The following PCBP1 variants were observed in gnomAD, a reference collection of about 807,000 sequenced individuals.
PCBP1 encodes the protein poly(rC)-binding protein 1.
For synonymous variants in PCBP1, 284 were observed against 195.8 expected (o/e 1.45, Z -3.76); for missense variants, 244 against 474.4 (o/e 0.51, Z 4.51).
chr2:70,088,772 C>A lies in PCBP1; in HGVS notation c.1029C>A (p.Ile343=), dbSNP rs754035967. 1.2e-6 allele frequency: 2 copies of A among 1,613,746 alleles called. No homozygotes were observed. Among genetic ancestry groups the A allele is most frequent in the Admixed American group, 1.7e-5 (1 of 59,992 alleles). ...AASISLAQYL[I]NARLSSEKGM... is the part of the protein sequence containing the mutation. ...GTATTAGTCTGGCCCAGTATCTAAT[C>A]AATGCCAGGCTTTCCTCTGAGAAGG... The change falls in exon 1 of 1, where the codon ATC becomes ATA. Residue 343 remains isoleucine, a synonymous_variant. Transcript: ENST00000303577. This position sits in a 1 kb window ranked among gnomAD's most constrained non-coding sequence, Gnocchi z 4.5.
At position 70,087,495 on chromosome 2, in the gene PCBP1, C is replaced by T. The variant is rs1671340511; in HGVS notation, c.-249C>T. 1 of 149,750 alleles carries T rather than the reference C, an allele frequency of 6.7e-6. No individual in the cohort carries two copies. The highest frequency in any genetic ancestry group is 6.7e-5 in the Admixed American group (1 of 14,972). The allele number at this position is 149,750 out of a possible 1,614,324, so 9.3% of individuals were successfully genotyped here. A position where few individuals can be genotyped will look rare whatever the true frequency, so the allele number is the denominator to read the frequency against. On this transcript the variant is annotated 5_prime_UTR_variant, in exon 1 of 1. Transcript: ENST00000303577. Reference sequence around the variant, plus strand: ...CCCGCCCAGACCGCCGAGGCTGCCGCCGGAGTCGCCACCGCCGCGCCCTCG... The same window carrying T: ...CCCGCCCAGACCGCCGAGGCTGCCGTCGGAGTCGCCACCGCCGCGCCCTCG...
chr2:70,087,518 T>TCGCC lies in PCBP1; in HGVS notation c.-224_-221dup, dbSNP rs1396145947. The TCGCC allele has an allele frequency of 3.7e-5, 3 of 80,566 alleles. No homozygotes were observed. The highest frequency in any genetic ancestry group is 5.0e-5 in the Non-Finnish European group (2 of 39,686). The allele number at this position is 80,566 out of a possible 1,614,324, so 5.0% of individuals were successfully genotyped here. A position where few individuals can be genotyped will look rare whatever the true frequency, so the allele number is the denominator to read the frequency against. ...CGCCGGAGTCGCCACCGCCGCGCCC[T>TCGCC]CGCCCACCCGCCCGCCCGCCGCTCC... On this transcript the variant is annotated 5_prime_UTR_variant, in exon 1 of 1. Coordinates refer to ENST00000303577, the MANE Select transcript of PCBP1 (RefSeq NM_006196.4).
At position 70,088,560 on chromosome 2, in the gene PCBP1, A is replaced by C; in HGVS notation, c.817A>C (p.Ser273Arg). 1 of 1,614,250 alleles carries C rather than the reference A, an allele frequency of 6.2e-7. No homozygotes were observed. Among genetic ancestry groups the C allele is most frequent in the Non-Finnish European group, 8.5e-7 (1 of 1,180,040 alleles). The change falls in exon 1 of 1, where the codon AGT becomes CGT. Residue 273 changes from serine (S) to arginine (R), a missense_variant. By Grantham distance (110) the Ser-to-Arg change is moderately radical. Transcript: ENST00000303577. This position sits in a 1 kb window ranked among gnomAD's most constrained non-coding sequence, Gnocchi z 4.5. The part of the protein sequence containing the change: ...SSPEVKGYWA[S>R]LDASTQTTHE... ...TCCAGAGGTGAAAGGCTATTGGGCA[A>C]GTTTGGATGCATCTACTCAAACCAC...
At position 70,088,375 on chromosome 2, in the gene PCBP1, C is replaced by T. The variant is rs1327061930; in HGVS notation, c.632C>T (p.Thr211Ile). The change falls in exon 1 of 1, where the codon ACC (threonine) becomes ATC (isoleucine). Residue 211 changes from threonine (T) to isoleucine (I), a missense_variant. Thr to Ile is a moderately conservative substitution (Grantham distance 89). Coordinates refer to ENST00000303577, the MANE Select transcript of PCBP1 (RefSeq NM_006196.4). The surrounding 1 kb of genome is among the most constrained non-coding windows in gnomAD (Gnocchi z 4.5). ...CSDAAGYPHATHDLEGPPLDA... is the reference protein window; with the variant it reads ...CSDAAGYPHAIHDLEGPPLDA... ...GACGCTGCGGGCTACCCCCATGCCA[C>T]CCATGACCTGGAGGGACCACCTCTA... The T allele has an allele frequency of 6.2e-7, 1 of 1,614,054 alleles. No homozygotes were observed. The highest frequency in any genetic ancestry group is 1.1e-5 in the South Asian group (1 of 91,092).
Position 70,088,251 on chromosome 2 carries a change from C to T in PCBP1, c.508C>T (p.Leu170Phe). The change falls in exon 1 of 1, where the codon CTC (leucine) becomes TTC (phenylalanine). Residue 170 changes from leucine to phenylalanine, a missense_variant. Coordinates refer to ENST00000303577, the MANE Select transcript of PCBP1 (RefSeq NM_006196.4). This position sits in a 1 kb window ranked among gnomAD's most constrained non-coding sequence, Gnocchi z 4.5. ...KQICLVMLET[L>F]SQSPQGRVMT... ...GATTTGCCTGGTCATGCTGGAGACG[C>T]TCTCCCAGTCTCCGCAAGGGAGAGT... The T allele has an allele frequency of 6.2e-7, 1 of 1,613,864 alleles. No homozygotes were observed. The highest frequency in any genetic ancestry group is 8.5e-7 in the Non-Finnish European group (1 of 1,180,016).
At position 70,089,006 on chromosome 2, in the gene PCBP1, A is replaced by G; in HGVS notation, c.*192A>G. ...AATGCTGGGATCCATATTTAGTTTT[A>G]TAAGCTTTTCCCTGTTTTTAGTTTT... On this transcript the variant is annotated 3_prime_UTR_variant, in exon 1 of 1. Transcript: ENST00000303577. 1 of 506,068 alleles carries G rather than the reference A, an allele frequency of 2.0e-6. No homozygotes were observed. Among genetic ancestry groups the G allele is most frequent in the African/African-American group, 1.9e-5 (1 of 51,986 alleles). 31.3% of individuals were successfully genotyped at this position (506,068 alleles called of 1,614,324 possible).
rs1671344289 is a variant in PCBP1 at position 70,087,535 on chromosome 2, C to CGCCG, written c.-208_-205dup. Reference sequence around the variant, plus strand: ...CCGCGCCCTCGCCCACCCGCCCGCCCGCCGCTCCCGGCCCCGCTCGCCCCC... The same window carrying CGCCG: ...CCGCGCCCTCGCCCACCCGCCCGCCCGCCGGCCGCTCCCGGCCCCGCTCGCCCCC... On this transcript the variant is annotated 5_prime_UTR_variant, in exon 1 of 1. Coordinates refer to ENST00000303577, the MANE Select transcript of PCBP1 (RefSeq NM_006196.4). 6.8e-6 allele frequency: 1 copy of CGCCG among 147,186 alleles called. No homozygotes were observed. Among genetic ancestry groups the CGCCG allele is most frequent in the Non-Finnish European group, 1.5e-5 (1 of 65,980 alleles). 9.1% of individuals were successfully genotyped at this position (147,186 alleles called of 1,614,324 possible). A position where few individuals can be genotyped will look rare whatever the true frequency, so the allele number is the denominator to read the frequency against.
rs1350769387 is a variant in PCBP1 at position 70,088,314 on chromosome 2, C to T, written c.571C>T (p.Pro191Ser). Residue 191 changes from proline (P) to serine (S), a missense_variant, in exon 1 of 1, where the codon CCA becomes TCA. Pro to Ser is a moderately conservative substitution (Grantham distance 74). Coordinates refer to ENST00000303577, the MANE Select transcript of PCBP1 (RefSeq NM_006196.4). The surrounding 1 kb of genome is among the most constrained non-coding windows in gnomAD (Gnocchi z 4.5). Reference protein sequence around the residue: ...IPYQPMPASSPVICAGGQDRC... With the variant: ...IPYQPMPASSSVICAGGQDRC... Reference sequence around the variant, plus strand: ...GTACCAGCCCATGCCGGCCAGCTCCCCAGTCATCTGCGCGGGCGGCCAAGA... The same window carrying T: ...GTACCAGCCCATGCCGGCCAGCTCCTCAGTCATCTGCGCGGGCGGCCAAGA... The T allele has an allele frequency of 6.2e-7, 1 of 1,613,882 alleles. No homozygotes were observed. Among genetic ancestry groups the T allele is most frequent in the Non-Finnish European group, 8.5e-7 (1 of 1,180,038 alleles).
rs957699402 is a variant in PCBP1 at position 70,088,948 on chromosome 2, G to A, written c.*134G>A. On this transcript the variant is annotated 3_prime_UTR_variant, in exon 1 of 1. Coordinates refer to ENST00000303577, the MANE Select transcript of PCBP1 (RefSeq NM_006196.4). This position sits in a 1 kb window ranked among gnomAD's most constrained non-coding sequence, Gnocchi z 4.5. ...TCTACACAACTTTATCATCCGCTAA[G>A]AATTTAAAAATCACATTCTCTGTTC... 4.7e-6 allele frequency: 3 copies of A among 643,428 alleles called. No homozygotes were observed. The highest frequency in any genetic ancestry group is 5.3e-6 in the Non-Finnish European group (2 of 374,742). The allele number at this position is 643,428 out of a possible 1,614,324, so 39.9% of individuals were successfully genotyped here. A position where few individuals can be genotyped will look rare whatever the true frequency, so the allele number is the denominator to read the frequency against.
rs1671340010 is a variant in PCBP1, at chr2:70,087,487, G to GGCTGCCGCCGGAGTCGCC, written c.-256_-239dup. ...CTTCCCGCCCCGCCCAGACCGCCGA[G>GGCTGCCGCCGGAGTCGCC]GCTGCCGCCGGAGTCGCCACCGCCG... On this transcript the variant is annotated 5_prime_UTR_variant, in exon 1 of 1. Coordinates refer to ENST00000303577, the MANE Select transcript of PCBP1 (RefSeq NM_006196.4). The GGCTGCCGCCGGAGTCGCC allele has an allele frequency of 6.7e-6, 1 of 150,054 alleles. No individual in the cohort carries two copies. Among genetic ancestry groups the GGCTGCCGCCGGAGTCGCC allele is most frequent in the Non-Finnish European group, 1.5e-5 (1 of 66,974 alleles). The allele number at this position is 150,054 out of a possible 1,614,324, so 9.3% of individuals were successfully genotyped here. A position where few individuals can be genotyped will look rare whatever the true frequency, so the allele number is the denominator to read the frequency against.
Position 70,088,878 on chromosome 2 carries a change from C to A in PCBP1, c.*64C>A. ...CTCCCATGATCCAACTGTGTAATTTCTGGTCAGTGATTCCAGGTTTTAAAT... is the reference window on the plus strand; with the variant it reads ...CTCCCATGATCCAACTGTGTAATTTATGGTCAGTGATTCCAGGTTTTAAAT... On this transcript the variant is annotated 3_prime_UTR_variant, in exon 1 of 1. Coordinates refer to ENST00000303577, the MANE Select transcript of PCBP1 (RefSeq NM_006196.4). The surrounding 1 kb of genome is among the most constrained non-coding windows in gnomAD (Gnocchi z 4.5). The A allele has an allele frequency of 8.5e-7, 1 of 1,177,402 alleles. No homozygotes were observed. Among genetic ancestry groups the A allele is most frequent in the Non-Finnish European group, 1.2e-6 (1 of 831,694 alleles). 72.9% of individuals were successfully genotyped at this position (1,177,402 alleles called of 1,614,324 possible).
rs1372068895 is a variant in PCBP1, at chr2:70,088,127, G to C, written c.384G>C (p.Gly128=). Residue 128 remains glycine (G), a synonymous_variant, in exon 1 of 1, where the codon GGG becomes GGC. Coordinates refer to ENST00000303577, the MANE Select transcript of PCBP1 (RefSeq NM_006196.4). The surrounding 1 kb of genome is among the most constrained non-coding windows in gnomAD (Gnocchi z 4.5). ...CKIKEIREST[G]AQVQVAGDML... ...TCAAAGAGATCCGCGAGAGTACGGG[G>C]GCGCAGGTCCAGGTGGCGGGGGATA... The C allele has an allele frequency of 4.6e-5, 75 of 1,613,872 alleles. No homozygotes were observed. The highest frequency in any genetic ancestry group is 6.2e-5 in the Non-Finnish European group (73 of 1,180,046).
Position 70,088,358 on chromosome 2 carries a change from G to C in PCBP1, c.615G>C (p.Ala205=). Residue 205 remains alanine, a synonymous_variant, in exon 1 of 1, where the codon GCG becomes GCC. Transcript: ENST00000303577. This position sits in a 1 kb window ranked among gnomAD's most constrained non-coding sequence, Gnocchi z 4.5. ...GCCAAGATCGGTGCAGCGACGCTGC[G>C]GGCTACCCCCATGCCACCCATGACC... ...AGGQDRCSDA[A]GYPHATHDLE... The C allele has an allele frequency of 6.2e-7, 1 of 1,613,942 alleles. No individual in the cohort carries two copies. Among genetic ancestry groups the C allele is most frequent in the African/African-American group, 1.3e-5 (1 of 75,054 alleles).
In PCBP1 at chr2:70,087,895, A is replaced by G. The variant is rs1369752681; in HGVS notation, c.152A>G (p.Glu51Gly). 2 of 1,611,934 alleles carry G rather than the reference A, an allele frequency of 1.2e-6. No individual in the cohort carries two copies. Among genetic ancestry groups the G allele is most frequent in the African/African-American group, 1.3e-5 (1 of 74,786 alleles). The change falls in exon 1 of 1, where the codon GAG becomes GGG. Residue 51 changes from glutamate to glycine, a missense_variant. Coordinates refer to ENST00000303577, the MANE Select transcript of PCBP1 (RefSeq NM_006196.4). Reference protein sequence around the residue: ...EESGARINISEGNCPERIITL... With the variant: ...EESGARINISGGNCPERIITL... ...AGTGGCGCGCGGATCAACATCTCGGAGGGGAATTGTCCGGAGAGAATCATC... is the reference window on the plus strand; with the variant it reads ...AGTGGCGCGCGGATCAACATCTCGGGGGGGAATTGTCCGGAGAGAATCATC...
chr2:70,088,945 T>A lies in PCBP1; in HGVS notation c.*131T>A. The A allele has an allele frequency of 1.5e-6, 1 of 648,010 alleles. No individual in the cohort carries two copies. The highest frequency in any genetic ancestry group is 2.6e-6 in the Non-Finnish European group (1 of 378,536). The allele number at this position is 648,010 out of a possible 1,614,324, so 40.1% of individuals were successfully genotyped here. On this transcript the variant is annotated 3_prime_UTR_variant, in exon 1 of 1. Transcript: ENST00000303577. This position sits in a 1 kb window ranked among gnomAD's most constrained non-coding sequence, Gnocchi z 4.5. ...GTTTCTACACAACTTTATCATCCGC[T>A]AAGAATTTAAAAATCACATTCTCTG... is the stretch of plus-strand genomic sequence containing the variant.
chr2:70,088,369 A>G lies in PCBP1; in HGVS notation c.626A>G (p.His209Arg). Residue 209 changes from histidine to arginine, a missense_variant, in exon 1 of 1, where the codon CAT (histidine) becomes CGT (arginine). Coordinates refer to ENST00000303577, the MANE Select transcript of PCBP1 (RefSeq NM_006196.4). This position sits in a 1 kb window ranked among gnomAD's most constrained non-coding sequence, Gnocchi z 4.5. Reference sequence around the variant, plus strand: ...TGCAGCGACGCTGCGGGCTACCCCCATGCCACCCATGACCTGGAGGGACCA... The same window carrying G: ...TGCAGCGACGCTGCGGGCTACCCCCGTGCCACCCATGACCTGGAGGGACCA... ...DRCSDAAGYP[H>R]ATHDLEGPPL... 2 of 1,613,978 alleles carry G rather than the reference A, an allele frequency of 1.2e-6. No individual in the cohort carries two copies. The highest frequency in any genetic ancestry group is 1.7e-6 in the Non-Finnish European group (2 of 1,180,028).
rs1408660384 is a variant in PCBP1 at position 70,088,438 on chromosome 2, C to T, written c.695C>T (p.Pro232Leu). The T allele has an allele frequency of 1.2e-6, 2 of 1,614,084 alleles. No homozygotes were observed. Among genetic ancestry groups the T allele is most frequent in the Non-Finnish European group, 1.7e-6 (2 of 1,180,050 alleles). The change falls in exon 1 of 1, where the codon CCG becomes CTG. Residue 232 changes from proline to leucine, a missense_variant. Transcript: ENST00000303577. This position sits in a 1 kb window ranked among gnomAD's most constrained non-coding sequence, Gnocchi z 4.5. ...YSIQGQHTISPLDLAKLNQVA... is the reference protein window; with the variant it reads ...YSIQGQHTISLLDLAKLNQVA... ...ATTCAAGGACAACACACCATTTCTC[C>T]GCTCGATCTGGCCAAGCTGAACCAG...
rs796285440 is a variant in PCBP1, at chr2:70,089,064, CTGTT to C, written c.*254_*257del. ...GTTTTTTGGCTCATGAATTTTATTT[CTGTT>C]TGTCGATAAGAAATGTAAGAGTGGA... is the stretch of plus-strand genomic sequence containing the variant. On this transcript the variant is annotated 3_prime_UTR_variant, in exon 1 of 1. Transcript: ENST00000303577. The C allele has an allele frequency of 4.0e-5, 17 of 426,084 alleles. No individual in the cohort carries two copies. The highest frequency in any genetic ancestry group is 2.6e-4 in the East Asian group (7 of 27,174). 26.4% of individuals were successfully genotyped at this position (426,084 alleles called of 1,614,324 possible).
chr2:70,088,389 G>A lies in PCBP1; in HGVS notation c.646G>A (p.Gly216Arg). 6.2e-7 allele frequency: 1 copy of A among 1,614,078 alleles called. No individual in the cohort carries two copies. The highest frequency in any genetic ancestry group is 8.5e-7 in the Non-Finnish European group (1 of 1,180,028). ...CCCCCATGCCACCCATGACCTGGAG[G>A]GACCACCTCTAGATGCCTACTCGAT... ...GYPHATHDLE[G>R]PPLDAYSIQG... The change falls in exon 1 of 1, where the codon GGA becomes AGA. Residue 216 changes from glycine (G) to arginine (R), a missense_variant. By Grantham distance (125) the Gly-to-Arg change is moderately radical. Transcript: ENST00000303577. This position sits in a 1 kb window ranked among gnomAD's most constrained non-coding sequence, Gnocchi z 4.5.
Sources: allele counts gnomAD v4.1 joint callset, GRCh38; gene constraint gnomAD v4.1.1; non-coding constraint Gnocchi (gnomAD v3.1); transcripts MANE v1.5; gene names NCBI Gene and HGNC (gene_info 2026-07-23, HGNC 2026-07-21).